The following SHCBP1L variants were observed in gnomAD, a reference collection of about 807,000 sequenced individuals.
SHCBP1L encodes the protein SHC binding and spindle associated 1 like, also known as testicular spindle-associated protein SHCBP1L.
SHCBP1L carries 67 observed loss-of-function variants against 62.5 expected under a neutral mutation model. The ratio of observed to expected loss-of-function variants is 1.07; its 90% CI spans 0.88 to 1.31. The LOEUF is 1.31. SHCBP1L is among the 40% of genes most tolerant of loss of function. The pLI, the probability that SHCBP1L is intolerant of heterozygous loss-of-function variation, is 0.00. For synonymous variants in SHCBP1L, 284 were observed against 289.4 expected, an observed-to-expected ratio of 0.98 and a Z score of 0.19; for missense variants, 823 against 809.8, an observed-to-expected ratio of 1.02 and a Z score of -0.20.
rs766849972 is a variant in SHCBP1L at position 182,904,439 on chromosome 1, T to C, written c.1337-9A>G. 10 of 1,613,390 alleles carry C rather than the reference T, an allele frequency of 6.2e-6. No individual in the cohort carries two copies. The highest frequency in any genetic ancestry group is 8.5e-6 in the Non-Finnish European group (10 of 1,179,748). ...CTCTCTCTTTCCAACTCCTGATTCA[T>C]AGGGATAAAAATACATTAAATCAGT... On this transcript the variant is annotated splice_polypyrimidine_tract_variant and intron_variant, in intron 7 of 9. Coordinates refer to ENST00000367547, the MANE Select transcript of SHCBP1L (RefSeq NM_030933.4).
In SHCBP1L at chr1:182,950,990, G is replaced by A. The variant is rs1026473771; in HGVS notation, c.555+328C>T. The stretch of plus-strand genomic sequence containing the variant: ...TTAATTCAGATAAATGAAGATTAAA[G>A]GGAAAAGACAGAAAAAGAAGGCCCA... On this transcript the variant is annotated intron_variant, in intron 2 of 9. Transcript: ENST00000367547. Among the ~76,000 whole-genome samples the A allele has an allele frequency of 2.0e-5, 3 of 151,782 alleles. No individual in the cohort carries two copies. In the South Asian group the frequency reaches 6.2e-4, roughly 32 times the overall value.
chr1:182,941,883 T>C (rs1319272057), intron 2 of SHCBP1L, among the ~76,000 whole-genome samples: 1 of 152,112 alleles, frequency 6.6e-6, no homozygotes, highest in Non-Finnish European at 1.5e-5. Context: ...TCCCACACTA[T>C]TTTCTGGTTG....
At chr1:182,951,175 T>C in intron 2 of SHCBP1L, 143 bp downstream of exon 2, 1 of 591,172 alleles carries the variant, frequency 1.7e-6, no homozygotes, top group East Asian at 3.0e-5. Flanking sequence ...ACCTTCTTTT[T>C]ACACTATTAA....
intron 6 of SHCBP1L, among the ~76,000 whole-genome samples, chr1:182,916,706 G>C (rs1650366191): frequency 6.6e-6 from 1 of 151,998 alleles, no homozygotes; most frequent in African/African-American, 2.4e-5. Flanking sequence ...TATAAAATCT[G>C]AACAGACCTG....
At chr1:182,940,980 G>A (rs891830483) in intron 2 of SHCBP1L, among the ~76,000 whole-genome samples, 1 of 151,910 alleles carries the variant, frequency 6.6e-6, no homozygotes. Flanking sequence ...GCCTCCTCAG[G>A]ACCTGGGACT....
chr1:182,933,762 T>C (rs1651083900), intron 5 of SHCBP1L, among the ~76,000 whole-genome samples: 1 of 152,200 alleles, frequency 6.6e-6, no homozygotes, highest in Admixed American at 6.5e-5. Context: ...GGATTTTGTA[T>C]CTATATTCAT....
In SHCBP1L at chr1:182,952,706, C is replaced by G. The variant is rs1439635742; in HGVS notation, c.405+23G>C. The G allele has an allele frequency of 8.9e-6, 14 of 1,579,764 alleles. No individual in the cohort carries two copies. In the East Asian group the frequency reaches 3.2e-4, roughly 36 times the overall value. On this transcript the variant is annotated intron_variant, in intron 1 of 9. Transcript: ENST00000367547. ...GTTCCGACGAGCTTCCGACCGTAGT[C>G]TTCCTGTCCCGGATCCGCTCACCTT...
intron 6 of SHCBP1L, among the ~76,000 whole-genome samples, chr1:182,911,590 G>A (rs1650189574): frequency 6.6e-6 from 1 of 152,094 alleles, no homozygotes; most frequent in Non-Finnish European, 1.5e-5. Flanking sequence ...TGTGCACAAA[G>A]AGCTAAAGGA....
intron 6 of SHCBP1L, among the ~76,000 whole-genome samples, chr1:182,924,719 A>AGAAAGAAC: frequency 3.1e-5 from 2 of 64,780 alleles, no homozygotes; most frequent in South Asian, 1.4e-3. Context: ...AAAGAAAGAA[A>AGAAAGAAC]GAAAGAAAGA....
chr1:182,920,500 C>G (rs962135677), intron 6 of SHCBP1L, among the ~76,000 whole-genome samples: 4 of 152,208 alleles, frequency 2.6e-5, no homozygotes, highest in African/African-American at 9.6e-5. Flanking sequence ...ACTCTGGGAA[C>G]TTAAAAAGCC....
intron 6 of SHCBP1L, among the ~76,000 whole-genome samples, chr1:182,926,794 A>G (rs115613227): frequency 8.0e-4 from 121 of 152,158 alleles, no homozygotes; most frequent in African/African-American, 2.8e-3. Context: ...TTAGTTCAGA[A>G]ACTGAAACAA....
intron 5 of SHCBP1L, among the ~76,000 whole-genome samples, chr1:182,935,968 C>T (rs1651152674): frequency 6.6e-6 from 1 of 152,010 alleles, no homozygotes; most frequent in South Asian, 2.1e-4. Flanking sequence ...ATAATCTCTG[C>T]TTTTTTATTT....
chr1:182,930,466 G>C (rs1435732704), intron 5 of SHCBP1L, among the ~76,000 whole-genome samples: 2 of 147,744 alleles, frequency 1.4e-5, no homozygotes, highest in East Asian at 3.9e-4. Context: ...GGATTTACCA[G>C]TAATCTCTTT....
chr1:182,937,991 G>A (rs1558002104), intron 5 of SHCBP1L, among the ~76,000 whole-genome samples: 1 of 152,212 alleles, frequency 6.6e-6, no homozygotes, highest in African/African-American at 2.4e-5. Flanking sequence ...GGCCTTTAGT[G>A]TGAGGTTTTA....
At chr1:182,909,254 C>T (rs1650105636) in intron 6 of SHCBP1L, among the ~76,000 whole-genome samples, 1 of 151,996 alleles carries the variant, frequency 6.6e-6, no homozygotes, top group African/African-American at 2.4e-5. Flanking sequence ...ATAGAGGTAT[C>T]CAGCAGACTA....
intron 5 of SHCBP1L, among the ~76,000 whole-genome samples, chr1:182,936,607 G>T (rs1651184050): frequency 6.6e-6 from 1 of 152,000 alleles, no homozygotes; most frequent in South Asian, 2.1e-4. Flanking sequence ...CACATGTCAT[G>T]CAGATACCAT....
intron 6 of SHCBP1L, among the ~76,000 whole-genome samples, chr1:182,924,931 G>GAAAGA (rs1557997068): frequency 7.9e-5 from 2 of 25,296 alleles, no homozygotes; most frequent in Non-Finnish European, 6.1e-5. Context: ...AGGAAGGAAG[G>GAAAGA]AAGGAAGAAA....
intron 5 of SHCBP1L, among the ~76,000 whole-genome samples, chr1:182,930,649 GTA>G (rs1192300323): frequency 3.8e-4 from 28 of 74,562 alleles, no homozygotes; most frequent in Non-Finnish European, 6.5e-4. Flanking sequence ...TTGCCCTGGA[GTA>G]TATGTGTGTG....
chr1:182,909,929 G>A (rs1039708817), intron 6 of SHCBP1L, among the ~76,000 whole-genome samples: 5 of 152,188 alleles, frequency 3.3e-5, no homozygotes, highest in African/African-American at 9.7e-5. Flanking sequence ...GAATAAATAC[G>A]AAGAAGTGGA....
Sources: allele counts gnomAD v4.1 joint callset (sites outside exome capture counted in the v4.1 genomes callset), GRCh38; gene constraint gnomAD v4.1.1; transcripts MANE v1.5; gene names NCBI Gene and HGNC (gene_info 2026-07-23, HGNC 2026-07-21).